Variants in ACER2 observed in about 807,000 individuals in gnomAD.
ACER2 encodes the protein alkaline ceramidase 2, also known as alkCDase 2.
Under a neutral mutation model 34.7 loss-of-function variants are expected in ACER2, and 26 were observed. That is an observed-to-expected ratio of 0.75 (90% CI 0.55 to 1.04). The LOEUF (loss-of-function observed/expected upper bound fraction) is 1.04, where lower values mean the gene tolerates loss of function less well. ACER2 is among the 50% of genes least tolerant of loss of function. The pLI is 0.00. For missense variants in ACER2, 352 were observed against 340.8 expected, an observed-to-expected ratio of 1.03 and a Z score of -0.26; for synonymous variants, 138 against 132.1, an observed-to-expected ratio of 1.04 and a Z score of -0.31.
intron 3 of ACER2, among the ~76,000 whole-genome samples, chr9:19,434,458 G>A (rs1589054798): frequency 1.3e-5 from 2 of 152,112 alleles, no homozygotes; most frequent in African/African-American, 2.4e-5. Context: ...CCGAGATCAC[G>A]CCACTGCACT....
intron 1 of ACER2, among the ~76,000 whole-genome samples, chr9:19,412,851 G>A (rs1013509962): frequency 4.6e-5 from 7 of 152,036 alleles, no homozygotes; most frequent in African/African-American, 1.7e-4. Context: ...TTAATGGATT[G>A]ATCATAATTT....
intron 3 of ACER2, among the ~76,000 whole-genome samples, chr9:19,431,502 A>G (rs1164261407): frequency 6.6e-6 from 1 of 152,206 alleles, no homozygotes; most frequent in African/African-American, 2.4e-5. Context: ...TGTTTATCCT[A>G]ATGAAAAAGG....
intron 1 of ACER2, among the ~76,000 whole-genome samples, chr9:19,414,698 G>A (rs1448365258): frequency 6.6e-6 from 1 of 152,138 alleles, no homozygotes; most frequent in Admixed American, 6.5e-5. Context: ...AGTTACTCAG[G>A]AGGCTGAGAT....
rs533607230 is a variant in ACER2 at position 19,445,068 on chromosome 9, C to T, written c.504-1213C>T. Among the ~76,000 whole-genome samples, 14 of 152,304 alleles carry T rather than the reference C, an allele frequency of 9.2e-5. No individual in the cohort carries two copies. The South Asian group carries it at 1.5e-3, about 16-fold the overall frequency. ...TAAGCTTCTTCTCAATTGCAGATGT[C>T]GTGTTGTATTCTGGGTCCCATAGGA... is the stretch of plus-strand genomic sequence containing the variant. On this transcript the variant is annotated intron_variant, in intron 4 of 5. Transcript: ENST00000340967.
At chr9:19,415,947 G>T (rs769448836) in intron 1 of ACER2, among the ~76,000 whole-genome samples, 11 of 151,992 alleles carry the variant, frequency 7.2e-5, no homozygotes, top group Non-Finnish European at 1.3e-4. Context: ...AAAGGAAGCT[G>T]CACGATGGGA....
At chr9:19,434,347 C>T (rs1352993218) in intron 3 of ACER2, among the ~76,000 whole-genome samples, 1 of 152,034 alleles carries the variant, frequency 6.6e-6, no homozygotes, top group Non-Finnish European at 1.5e-5. Flanking sequence ...CAGGCAGAGA[C>T]GCTCCTCACT....
intron 1 of ACER2, among the ~76,000 whole-genome samples, chr9:19,410,121 G>A (rs1238663288): frequency 1.3e-5 from 2 of 152,224 alleles, no homozygotes; most frequent in African/African-American, 4.8e-5. Context: ...TTGGGTCATT[G>A]TGAATTTGAG....
chr9:19,419,227 G>C (rs1011991360), intron 1 of ACER2, among the ~76,000 whole-genome samples: 2 of 152,156 alleles, frequency 1.3e-5, no homozygotes, highest in East Asian at 3.8e-4. Context: ...TGCATATACA[G>C]TATAGTACTT....
intron 5 of ACER2, among the ~76,000 whole-genome samples, chr9:19,447,865 C>G (rs536795536): frequency 2.9e-4 from 44 of 152,084 alleles, no homozygotes; most frequent in African/African-American, 1.0e-3. Context: ...AAGAATGGCT[C>G]TCATAATTCT....
At chr9:19,413,208 T>C (rs1292981475) in intron 1 of ACER2, among the ~76,000 whole-genome samples, 1 of 152,250 alleles carries the variant, frequency 6.6e-6, no homozygotes, top group Non-Finnish European at 1.5e-5. Context: ...TCCATGAACA[T>C]GTAATTTCCT....
Position 19,414,863 on chromosome 9 carries a change from T to A in ACER2, c.108+5671T>A, listed in dbSNP as rs910215921. 4.5e-4 allele frequency among the ~76,000 whole-genome samples: 64 copies of A among 141,036 alleles called. No individual in the cohort carries two copies. The South Asian group carries it at 0.013, about 29-fold the overall frequency. The allele number at this position is 141,036 out of a possible 152,430, so 92.5% of individuals were successfully genotyped here. ...TCCGCCTCAAAAAAAAAAAAAAAAA[T>A]TGTAGCCCTTGAGTGCACTATTCTA... On this transcript the variant is annotated intron_variant, in intron 1 of 5. Coordinates refer to ENST00000340967, the MANE Select transcript of ACER2 (RefSeq NM_001010887.3).
chr9:19,422,340 A>G (rs751695337), intron 1 of ACER2, among the ~76,000 whole-genome samples: 1 of 152,082 alleles, frequency 6.6e-6, no homozygotes, highest in Admixed American at 6.6e-5. Flanking sequence ...ATGATATTTA[A>G]TAGTGATTAC....
At chr9:19,448,996 C>T (rs1161048920) in intron 5 of ACER2, among the ~76,000 whole-genome samples, 1 of 152,014 alleles carries the variant, frequency 6.6e-6, no homozygotes, top group Non-Finnish European at 1.5e-5. Flanking sequence ...AAAAATTAGC[C>T]GGATGTGCAT....
In ACER2 at chr9:19,450,431, C is replaced by G. The variant is rs1337462682; in HGVS notation, c.642-19C>G. Reference sequence around the variant, plus strand: ...GTCTTCATGCTCATCAGGTTCTCACCTCTTGTCTCCCTCTGCAGGCACATC... The same window carrying G: ...GTCTTCATGCTCATCAGGTTCTCACGTCTTGTCTCCCTCTGCAGGCACATC... On this transcript the variant is annotated intron_variant, in intron 5 of 5. Transcript: ENST00000340967. The G allele has an allele frequency of 6.4e-7, 1 of 1,572,174 alleles. No homozygotes were observed. The highest frequency in any genetic ancestry group is 8.7e-7 in the Non-Finnish European group (1 of 1,148,754).
At chr9:19,410,672 T>G (rs1830061569) in intron 1 of ACER2, among the ~76,000 whole-genome samples, 1 of 152,108 alleles carries the variant, frequency 6.6e-6, no homozygotes, top group South Asian at 2.1e-4. Context: ...ATCGCGCCAC[T>G]CCACTCCAGC....
chr9:19,428,412 C>G (rs1317048785), intron 3 of ACER2, among the ~76,000 whole-genome samples: 3 of 152,100 alleles, frequency 2.0e-5, no homozygotes, highest in Non-Finnish European at 2.9e-5. Flanking sequence ...AGGTGATCTG[C>G]CTGCCTTGGC....
intron 3 of ACER2, among the ~76,000 whole-genome samples, chr9:19,430,133 A>G (rs1262278021): frequency 1.4e-5 from 2 of 142,746 alleles, no homozygotes; most frequent in Non-Finnish European, 3.1e-5. Flanking sequence ...GTCCCTTTTT[A>G]CTGTGTAAAA....
intron 3 of ACER2, among the ~76,000 whole-genome samples, chr9:19,427,181 G>A (rs1830597318): frequency 6.6e-6 from 1 of 152,282 alleles, no homozygotes; most frequent in Non-Finnish European, 1.5e-5. Context: ...CGATCCTGTA[G>A]GGCACTTAGC....
chr9:19,423,480 C>CA (rs1830468381), intron 1 of ACER2, among the ~76,000 whole-genome samples: 1 of 152,150 alleles, frequency 6.6e-6, no homozygotes, highest in Non-Finnish European at 1.5e-5. Flanking sequence ...GCAGGCAGAT[C>CA]ACCTGAGGTT....
Sources: gnomAD v4.1 joint callset for allele counts (sites outside exome capture counted in the v4.1 genomes callset) on GRCh38, gnomAD v4.1.1 for gene constraint, MANE v1.5 for transcripts, NCBI Gene and HGNC (gene_info 2026-07-23, HGNC 2026-07-21) for gene names.